PCDH19: variants seen among roughly 807,000 people sequenced by gnomAD.
The protein encoded by PCDH19 is protocadherin-19.
In PCDH19, 6 loss-of-function variants were observed where a neutral mutation model predicts 46.2. The observed-to-expected ratio is 0.13, with a 90% CI of 0.07 to 0.26. The LOEUF is 0.26. Among genes scored for constraint, PCDH19 ranks in the 10% least tolerant of loss-of-function variants. PCDH19 has a pLI of 1.00. For missense variants in PCDH19, 740 were observed against 972.3 expected (o/e 0.76, Z 3.18); for synonymous variants, 481 against 415.7 (o/e 1.16, Z -1.91).
chrX:100,380,255 G>A (rs1444873234), intron 3 of PCDH19, among the ~76,000 whole-genome samples: 1 of 111,319 alleles, frequency 9.0e-6, no homozygotes, highest in Non-Finnish European at 1.9e-5. Flanking sequence ...ACAGCCAGCC[G>A]TCAACCATCT....
intron 3 of PCDH19, among the ~76,000 whole-genome samples, chrX:100,370,991 GCA>G (rs1927199243): frequency 1.7e-5 from 1 of 59,642 alleles, no homozygotes; most frequent in African/African-American, 5.2e-5. Flanking sequence ...CAGTGTGTGT[GCA>G]TGTGTGTGTG....
At chrX:100,382,684 T>C (rs986765064) in intron 3 of PCDH19, among the ~76,000 whole-genome samples, 12 of 111,096 alleles carry the variant, frequency 1.1e-4, no homozygotes, top group African/African-American at 3.9e-4. Context: ...CAGCACAGAG[T>C]CATGCAGGAG....
intron 3 of PCDH19, among the ~76,000 whole-genome samples, chrX:100,395,037 G>T (rs969166578): frequency 1.8e-5 from 2 of 109,132 alleles, no homozygotes; most frequent in African/African-American, 3.3e-5. Context: ...ACAGGCGCCC[G>T]CCACCACGCC....
chrX:100,349,819 CTCT>C (rs1398739671), intron 4 of PCDH19, among the ~76,000 whole-genome samples: 3 of 112,549 alleles, frequency 2.7e-5, no homozygotes, highest in Non-Finnish European at 5.6e-5. Context: ...GCAAGAGGTT[CTCT>C]TCTTTGCTCA....
rs1384503636 is a variant in PCDH19 at position 100,402,859 on chromosome X, A to G, written c.2289-8T>C. On this transcript the variant is annotated splice_polypyrimidine_tract_variant and splice_region_variant and intron_variant, in intron 2 of 5. Transcript: ENST00000373034. ...TAGGAGTACTCAGCAATTCTATGTG[A>G]CAGAAAAGGCAGCATGAATCACTAA... 2.5e-6 allele frequency: 3 copies of G among 1,178,871 alleles called. No individual in the cohort carries two copies. The African/African-American group carries it at 5.3e-5, about 21-fold the overall frequency.
intron 1 of PCDH19, 88 bp from the exon 2 acceptor site, chrX:100,403,752 A>G: frequency 1.2e-6 from 1 of 847,798 alleles, no homozygotes; most frequent in Non-Finnish European, 1.6e-6. Flanking sequence ...TGGAACATAA[A>G]GAGCTCAATT....
At chrX:100,301,512 G>T (rs767915529) in intron 5 of PCDH19, among the ~76,000 whole-genome samples, 82 of 112,138 alleles carry the variant, frequency 7.3e-4, no homozygotes, top group African/African-American at 2.6e-3. Flanking sequence ...CAAGTAGTTG[G>T]CTACTTCTAA....
chrX:100,376,070 C>T (rs1927370045), intron 3 of PCDH19, among the ~76,000 whole-genome samples: 1 of 109,521 alleles, frequency 9.1e-6, no homozygotes, highest in Non-Finnish European at 1.9e-5. Context: ...AACCCCGTCT[C>T]TACTAAATTA....
chrX:100,385,147 A>G (rs1156872966), intron 3 of PCDH19, among the ~76,000 whole-genome samples: 4 of 99,457 alleles, frequency 4.0e-5, no homozygotes, highest in Non-Finnish European at 6.1e-5. Context: ...CGACAGAGTG[A>G]GACTCTGTCT....
chrX:100,382,350 A>G (rs762417146), intron 3 of PCDH19, among the ~76,000 whole-genome samples: 1 of 111,890 alleles, frequency 8.9e-6, no homozygotes, highest in Non-Finnish European at 1.9e-5. Flanking sequence ...TTGAGAAAAG[A>G]GTATAAAATA....
chrX:100,312,531 A>C (rs1925163836), intron 5 of PCDH19, among the ~76,000 whole-genome samples: 1 of 111,703 alleles, frequency 9.0e-6, no homozygotes, highest in Admixed American at 9.5e-5. Context: ...TAATTATACT[A>C]GTCGGAAAAA....
At position 100,410,040 on chromosome X, in the gene PCDH19, G is replaced by C. The variant is rs1928552366; in HGVS notation, c.-1443C>G. On this transcript the variant is annotated 5_prime_UTR_variant, in exon 1 of 6. Transcript: ENST00000373034. ...GAGTATGAGCAAGCAGGAGGCAATG[G>C]GTTTGGGGTAGGAGGTTTAGGATTT... 2 of 297,789 alleles carry C rather than the reference G, an allele frequency of 6.7e-6. No individual in the cohort carries two copies. Among genetic ancestry groups the C allele is most frequent in the East Asian group, 9.6e-5 (2 of 20,933 alleles). The allele number at this position is 297,789 out of a possible 1,213,427, so 24.5% of individuals were successfully genotyped here.
At chrX:100,316,857 A>G (rs1925323879) in intron 5 of PCDH19, among the ~76,000 whole-genome samples, 2 of 112,143 alleles carry the variant, frequency 1.8e-5, no homozygotes, top group Admixed American at 1.9e-4. Flanking sequence ...TCTTGCTTTC[A>G]GTGACCACAA....
In PCDH19 at chrX:100,299,117, C is replaced by CA. The variant is rs1342103144; in HGVS notation, c.2849-2243dup. 4.5e-5 allele frequency among the ~76,000 whole-genome samples: 5 copies of CA among 111,357 alleles called. No individual in the cohort carries two copies. In the East Asian group the frequency reaches 1.4e-3, roughly 32 times the overall value. The stretch of plus-strand genomic sequence containing the variant: ...CAGAGTAAAAATCCCTGGAAGCCAG[C>CA]AAAAAAATGTCCAGAAGGCTATAAG... On this transcript the variant is annotated intron_variant, in intron 5 of 5. Coordinates refer to ENST00000373034, the MANE Select transcript of PCDH19 (RefSeq NM_001184880.2).
intron 4 of PCDH19, among the ~76,000 whole-genome samples, chrX:100,348,123 C>G (rs1338154764): frequency 9.2e-6 from 1 of 108,205 alleles, no homozygotes; most frequent in African/African-American, 3.4e-5. Context: ...CAAAGTTAGC[C>G]TGAAATTGTA....
In PCDH19 at chrX:100,296,331, T is replaced by C. The variant is rs1448795169; in HGVS notation, c.3393A>G (p.Glu1131=). 1 of 1,211,732 alleles carries C rather than the reference T, an allele frequency of 8.3e-7. No individual in the cohort carries two copies. The highest frequency in any genetic ancestry group is 2.2e-5 in the Admixed American group (1 of 46,064). ...VMHEVSPILK[E]GRNKESPGVK... Reference sequence around the variant, plus strand: ...CACCAGGGGACTCTTTGTTGCGACCTTCCTTCAGAATGGGGCTGACCTCAT... The same window carrying C: ...CACCAGGGGACTCTTTGTTGCGACCCTCCTTCAGAATGGGGCTGACCTCAT... The change falls in exon 6 of 6, where the codon GAA becomes GAG. Residue 1131 remains glutamate, a synonymous_variant. Coordinates refer to ENST00000373034, the MANE Select transcript of PCDH19 (RefSeq NM_001184880.2).
intron 3 of PCDH19, among the ~76,000 whole-genome samples, chrX:100,387,310 GA>G (rs1312998427): frequency 1.8e-5 from 2 of 111,312 alleles, no homozygotes. Context: ...CTAATTTGTT[GA>G]AAAAAGAACA....
intron 3 of PCDH19, among the ~76,000 whole-genome samples, chrX:100,357,225 A>G (rs1328657119): frequency 9.0e-6 from 1 of 111,660 alleles, no homozygotes; most frequent in East Asian, 2.8e-4. Flanking sequence ...AGGCTACTGG[A>G]CTGCAACTTG....
intron 5 of PCDH19, among the ~76,000 whole-genome samples, chrX:100,317,661 T>C (rs1189855655): frequency 9.1e-6 from 1 of 109,945 alleles, no homozygotes; most frequent in Non-Finnish European, 1.9e-5. Context: ...GCAGGGTTTC[T>C]AACCATACTT....
Sources: gnomAD v4.1 joint callset for allele counts (sites outside exome capture counted in the v4.1 genomes callset) on GRCh38, gnomAD v4.1.1 for gene constraint, MANE v1.5 for transcripts, NCBI Gene and HGNC (gene_info 2026-07-23, HGNC 2026-07-21) for gene names.